The following THSD7B variants were observed in gnomAD, a reference collection of about 807,000 sequenced individuals.
THSD7B encodes thrombospondin type 1 domain containing 7B, also known as thrombospondin type-1 domain-containing protein 7B.
In THSD7B, 138 loss-of-function variants were observed where a neutral mutation model predicts 213.6. The observed-to-expected ratio is 0.65, with a 90% confidence interval of 0.56 to 0.74. The LOEUF is 0.74. Among genes scored for constraint, THSD7B ranks in the 30% least tolerant of loss-of-function variants. The pLI, the probability that THSD7B is intolerant of heterozygous loss-of-function variation, is 0.00. For missense variants in THSD7B, 1,931 were observed against 1,991.5 expected, an observed-to-expected ratio of 0.97 and a Z score of 0.58; for synonymous variants, 742 against 687.0, an observed-to-expected ratio of 1.08 and a Z score of -1.25.
chr2:136,988,110 C>T (rs1220063084), intron 2 of THSD7B, among the ~76,000 whole-genome samples: 2 of 152,056 alleles, frequency 1.3e-5, no homozygotes, highest in Non-Finnish European at 2.9e-5. Context: ...AGAATATGGC[C>T]GTCTCCCCAG....
Position 136,902,339 on chromosome 2 carries a change from T to C in THSD7B, c.139+20022T>C, listed in dbSNP as rs544858389. 3.3e-5 allele frequency among the ~76,000 whole-genome samples: 5 copies of C among 152,364 alleles called. No individual in the cohort carries two copies. In the South Asian group the frequency reaches 6.2e-4, roughly 19 times the overall value. On this transcript the variant is annotated intron_variant, in intron 2 of 27. Coordinates refer to ENST00000409968, the MANE Select transcript of THSD7B (RefSeq NM_001316349.2). ...ATTTATGTTTTAATAGTTTCAAAGG[T>C]CATTGTCATTGTTTGGATCGTTATG...
intron 12 of THSD7B, among the ~76,000 whole-genome samples, chr2:137,296,229 A>G (rs901057895): frequency 6.6e-6 from 1 of 152,274 alleles, no homozygotes; most frequent in South Asian, 2.1e-4. Flanking sequence ...AATTTATTGA[A>G]TCCTTTGTTT....
chr2:137,077,715 C>T (rs534614229), intron 3 of THSD7B, among the ~76,000 whole-genome samples: 18 of 150,736 alleles, frequency 1.2e-4, no homozygotes, highest in African/African-American at 4.4e-4. Flanking sequence ...ATTGTAGATT[C>T]TGTATATTAG....
intron 1 of THSD7B, among the ~76,000 whole-genome samples, chr2:136,839,540 A>AT (rs1332509455): frequency 6.6e-6 from 1 of 152,194 alleles, no homozygotes; most frequent in African/African-American, 2.4e-5. Context: ...ATACTCATTA[A>AT]TTTTAGTCTT....
chr2:136,919,649 C>T (rs1027055902), intron 2 of THSD7B, among the ~76,000 whole-genome samples: 1 of 152,176 alleles, frequency 6.6e-6, no homozygotes, highest in African/African-American at 2.4e-5. Context: ...CCTCTGTGGC[C>T]AGTGGCACCT....
At chr2:136,965,190 G>A (rs1449127373) in intron 2 of THSD7B, among the ~76,000 whole-genome samples, 1 of 152,126 alleles carries the variant, frequency 6.6e-6, no homozygotes, top group Non-Finnish European at 1.5e-5. Context: ...CTCTCATGTA[G>A]CACAGTTAAC....
chr2:137,150,491 G>T (rs1485433092), intron 5 of THSD7B, among the ~76,000 whole-genome samples: 4 of 151,908 alleles, frequency 2.6e-5, no homozygotes, highest in African/African-American at 9.7e-5. Context: ...TTTTATAAGG[G>T]GCTTCCCCCC....
intron 15 of THSD7B, among the ~76,000 whole-genome samples, chr2:137,560,017 T>G (rs1429003416): frequency 6.6e-6 from 1 of 152,156 alleles, no homozygotes; most frequent in Non-Finnish European, 1.5e-5. Context: ...TGAGGTATTA[T>G]CTCACACCAT....
chr2:137,112,038 T>C (rs1291142803), intron 4 of THSD7B, among the ~76,000 whole-genome samples: 4 of 151,912 alleles, frequency 2.6e-5, no homozygotes, highest in Admixed American at 6.6e-5. Context: ...GAAAGCTGAG[T>C]TTTCTGGAGC....
At chr2:137,091,986 G>C (rs992248046) in intron 3 of THSD7B, among the ~76,000 whole-genome samples, 1 of 152,116 alleles carries the variant, frequency 6.6e-6, no homozygotes, top group Admixed American at 6.5e-5. Flanking sequence ...TATTAGATGA[G>C]ACATTTTCAG....
chr2:136,779,585 A>G (rs765992704), intron 1 of THSD7B, among the ~76,000 whole-genome samples: 1 of 152,210 alleles, frequency 6.6e-6, no homozygotes, highest in African/African-American at 2.4e-5. Flanking sequence ...AAGAAAAAAA[A>G]TCTTGGAAAC....
chr2:137,534,064 G>A (rs1049566487), intron 15 of THSD7B, among the ~76,000 whole-genome samples: 4 of 151,236 alleles, frequency 2.6e-5, no homozygotes, highest in Non-Finnish European at 5.9e-5. Context: ...TAACTGATGG[G>A]AAAGAGCTTG....
intron 14 of THSD7B, among the ~76,000 whole-genome samples, chr2:137,412,521 C>CA (rs1553447817): frequency 5.5e-5 from 8 of 144,554 alleles, no homozygotes; most frequent in Non-Finnish European, 1.0e-4. Context: ...TGCTTGAACC[C>CA]GGGGGGCAGA....
intron 1 of THSD7B, among the ~76,000 whole-genome samples, chr2:136,771,623 T>C (rs1035570361): frequency 3.9e-5 from 6 of 152,180 alleles, no homozygotes; most frequent in African/African-American, 1.2e-4. Context: ...GTTCCAATTA[T>C]ACTTCCACTG....
intron 1 of THSD7B, among the ~76,000 whole-genome samples, chr2:136,839,941 A>G (rs573766735): frequency 2.0e-5 from 3 of 152,338 alleles, no homozygotes; most frequent in East Asian, 3.9e-4. Flanking sequence ...AGTACCAGCT[A>G]TATGCCTGAC....
At chr2:137,357,827 A>T (rs13404630) in intron 12 of THSD7B, among the ~76,000 whole-genome samples, 2 of 152,254 alleles carry the variant, frequency 1.3e-5, no homozygotes, top group African/African-American at 2.4e-5. Context: ...GATTGTAACC[A>T]TGAGGAAGAG....
intron 12 of THSD7B, among the ~76,000 whole-genome samples, chr2:137,399,350 G>C (rs562832769): frequency 6.6e-6 from 1 of 151,878 alleles, no homozygotes; most frequent in Non-Finnish European, 1.5e-5. Flanking sequence ...GCGCAGCCAC[G>C]CCTGGCTAAT....
intron 15 of THSD7B, among the ~76,000 whole-genome samples, chr2:137,524,536 A>G (rs1228991441): frequency 1.3e-5 from 2 of 152,114 alleles, no homozygotes; most frequent in African/African-American, 4.8e-5. Context: ...ATCCTTGTTT[A>G]TGTTTGCCAA....
chr2:137,266,211 T>C (rs544367774), intron 10 of THSD7B, among the ~76,000 whole-genome samples: 1 of 152,366 alleles, frequency 6.6e-6, no homozygotes, highest in African/African-American at 2.4e-5. Flanking sequence ...TTACATGCAG[T>C]ATCTCATGTA....
Sources: allele counts gnomAD v4.1 joint callset (sites outside exome capture counted in the v4.1 genomes callset), GRCh38; gene constraint gnomAD v4.1.1; transcripts MANE v1.5; gene names NCBI Gene and HGNC (gene_info 2026-07-23, HGNC 2026-07-21).